Variants in HDAC9 observed in about 807,000 individuals in gnomAD.
HDAC9 encodes the protein histone deacetylase 9.
HDAC9 carries 41 observed loss-of-function variants against 139.4 expected under a neutral mutation model. That is an observed-to-expected ratio of 0.29 (90% confidence interval 0.23 to 0.38). HDAC9 has a LOEUF of 0.38. Ranked by LOEUF, HDAC9 falls within the 10% of genes least tolerant of loss-of-function variation. The pLI, the probability that HDAC9 is intolerant of heterozygous loss-of-function variation, is 1.00. For missense variants in HDAC9, 1,147 were observed against 1,297.0 expected, an observed-to-expected ratio of 0.88 and a Z score of 1.78; for synonymous variants, 517 against 476.2, an observed-to-expected ratio of 1.09 and a Z score of -1.12.
At chr7:18,301,045 C>G (rs960896583) in intron 1 of HDAC9, among the ~76,000 whole-genome samples, 3 of 151,686 alleles carry the variant, frequency 2.0e-5, no homozygotes, top group Non-Finnish European at 1.5e-5. Context: ...TTAAGAAATG[C>G]AAACATTTTT....
chr7:18,803,791 G>A (rs930637934), intron 17 of HDAC9, among the ~76,000 whole-genome samples: 8 of 151,966 alleles, frequency 5.3e-5, no homozygotes, highest in African/African-American at 1.9e-4. Flanking sequence ...AAATATATAC[G>A]TATTAGGAAA....
chr7:18,619,254 C>G (rs931519646), intron 6 of HDAC9, among the ~76,000 whole-genome samples: 1 of 152,096 alleles, frequency 6.6e-6, no homozygotes, highest in Admixed American at 6.6e-5. Flanking sequence ...CATTCAGCAT[C>G]AAGAAATTCT....
intron 2 of HDAC9, among the ~76,000 whole-genome samples, chr7:18,506,545 T>C (rs1799817829): frequency 6.6e-6 from 1 of 152,044 alleles, no homozygotes; most frequent in Non-Finnish European, 1.5e-5. Context: ...AATTAAGAAA[T>C]CTAAATTCTA....
chr7:18,754,840 T>A (rs1353193584), intron 14 of HDAC9, among the ~76,000 whole-genome samples: 1 of 152,138 alleles, frequency 6.6e-6, no homozygotes, highest in Non-Finnish European at 1.5e-5. Flanking sequence ...GTAAAATACC[T>A]CTTTGTTTTA....
At chr7:18,251,815 C>T (rs192539540) in intron 2 of HDAC9, among the ~76,000 whole-genome samples, 38 of 152,090 alleles carry the variant, frequency 2.5e-4, no homozygotes, top group African/African-American at 7.7e-4. Flanking sequence ...TTTGTATATG[C>T]GTATGTGGCT....
At position 18,356,358 on chromosome 7, in the gene HDAC9, GTTTTT is replaced by G. The variant is rs5882659; in HGVS notation, c.-42+65866_-42+65870del. Among the ~76,000 whole-genome samples the G allele has an allele frequency of 7.1e-4, 39 of 55,160 alleles. 2 individuals carry two copies. The highest frequency in any genetic ancestry group is 3.5e-3 in the East Asian group (6 of 1,728). 36.2% of individuals were successfully genotyped at this position (55,160 alleles called of 152,430 possible). A position where few individuals can be genotyped will look rare whatever the true frequency, so the allele number is the denominator to read the frequency against. On this transcript the variant is annotated intron_variant, in intron 1 of 3. Transcript: ENST00000413509. ...GTAGCCTCTAGAGGGCAGCACATAG[GTTTTT>G]TTTTTTTTTTTTTTTTTTTTTTAAA...
chr7:18,254,087 T>G (rs1261474682), intron 2 of HDAC9, among the ~76,000 whole-genome samples: 1 of 152,176 alleles, frequency 6.6e-6, no homozygotes, highest in African/African-American at 2.4e-5. Context: ...ATCAAAAGTT[T>G]CCAGCTTAAC....
At chr7:18,972,523 G>A (rs1784309111) in intron 24 of HDAC9, among the ~76,000 whole-genome samples, 1 of 151,928 alleles carries the variant, frequency 6.6e-6, no homozygotes, top group Non-Finnish European at 1.5e-5. Context: ...CAGGATTATA[G>A]GCATGCACCA....
chr7:18,871,420 C>G (rs1798905045), intron 21 of HDAC9, among the ~76,000 whole-genome samples: 1 of 152,156 alleles, frequency 6.6e-6, no homozygotes, highest in Non-Finnish European at 1.5e-5. Flanking sequence ...GGTATTAACT[C>G]TGCTCCTTGT....
At chr7:18,645,595 G>A (rs569473423) in intron 9 of HDAC9, among the ~76,000 whole-genome samples, 1 of 152,232 alleles carries the variant, frequency 6.6e-6, no homozygotes, top group East Asian at 1.9e-4. Context: ...AGCAGAAGAT[G>A]GCAATAATTA....
chr7:18,444,435 A>G (rs1418837930), intron 1 of HDAC9, among the ~76,000 whole-genome samples: 4 of 151,526 alleles, frequency 2.6e-5, no homozygotes, highest in South Asian at 2.1e-4. Context: ...TGTATTTTCT[A>G]CACACTCAGT....
At chr7:18,596,706 G>C (rs751517961) in intron 6 of HDAC9, among the ~76,000 whole-genome samples, 1 of 152,072 alleles carries the variant, frequency 6.6e-6, no homozygotes, top group Non-Finnish European at 1.5e-5. Flanking sequence ...GTGACGCTTT[G>C]TTATTAGAGC....
chr7:18,311,242 A>G (rs1276167794), intron 1 of HDAC9, among the ~76,000 whole-genome samples: 2 of 152,048 alleles, frequency 1.3e-5, no homozygotes. Context: ...CAGCCTACTT[A>G]TGACAAAAGC....
chr7:18,987,851 G>T (rs191588732), intron 25 of HDAC9, among the ~76,000 whole-genome samples: 510 of 152,226 alleles, frequency 3.4e-3, no homozygotes, highest in Admixed American at 5.4e-3. Context: ...TAGTTTATTG[G>T]CGTAGAGGTG....
At chr7:18,932,031 C>A (rs1804789965) in intron 22 of HDAC9, among the ~76,000 whole-genome samples, 1 of 152,086 alleles carries the variant, frequency 6.6e-6, no homozygotes, top group East Asian at 1.9e-4. Context: ...TCAATCATAA[C>A]AAATGTACCA....
intron 1 of HDAC9, among the ~76,000 whole-genome samples, chr7:18,388,824 A>G (rs1266461595): frequency 6.6e-6 from 1 of 152,164 alleles, no homozygotes; most frequent in East Asian, 1.9e-4. Flanking sequence ...TTTGTTTTTC[A>G]AAGCTTTTAT....
intron 1 of HDAC9, among the ~76,000 whole-genome samples, chr7:18,475,652 C>G (rs1306179427): frequency 6.6e-6 from 1 of 152,142 alleles, no homozygotes; most frequent in Non-Finnish European, 1.5e-5. Context: ...TACATCAGAT[C>G]TCCAAAATGA....
At chr7:18,650,478 T>C (rs1259550569) in intron 11 of HDAC9, among the ~76,000 whole-genome samples, 1 of 152,166 alleles carries the variant, frequency 6.6e-6, no homozygotes, top group African/African-American at 2.4e-5. Flanking sequence ...GGAATACAGT[T>C]TTTTATTAAC....
At chr7:18,774,873 C>T (rs964864656) in intron 16 of HDAC9, among the ~76,000 whole-genome samples, 5 of 152,026 alleles carry the variant, frequency 3.3e-5, no homozygotes, top group African/African-American at 4.8e-5. Context: ...GTCTAGTTTT[C>T]GGCCTGTCTC....
Sources: gnomAD v4.1 joint callset for allele counts (sites outside exome capture counted in the v4.1 genomes callset) on GRCh38, gnomAD v4.1.1 for gene constraint, MANE v1.5 for transcripts, NCBI Gene and HGNC (gene_info 2026-07-23, HGNC 2026-07-21) for gene names.